Variants in TEX9 observed in about 807,000 individuals in gnomAD.
TEX9 encodes testis-expressed protein 9.
A neutral mutation model predicts 59.6 loss-of-function variants in TEX9; 74 were observed. That is an observed-to-expected ratio of 1.24 (90% CI 1.03 to 1.51). TEX9 has a LOEUF of 1.51. Ranked by LOEUF, TEX9 falls within the 40% of genes most tolerant of loss-of-function variation. TEX9 has a pLI of 0.00. For synonymous variants in TEX9, 186 were observed against 152.2 expected (o/e 1.22, Z -1.64); for missense variants, 522 against 447.8 (o/e 1.17, Z -1.49).
At chr15:56,324,486 T>C (rs1156646637) in intron 1 of TEX9, among the ~76,000 whole-genome samples, 4 of 152,216 alleles carry the variant, frequency 2.6e-5, no homozygotes, top group African/African-American at 9.6e-5. Flanking sequence ...ATTCCTAATA[T>C]CTTTAATTAA....
chr15:56,327,745 A>G (rs1451737342), intron 1 of TEX9, among the ~76,000 whole-genome samples: 1 of 152,172 alleles, frequency 6.6e-6, no homozygotes, highest in African/African-American at 2.4e-5. Flanking sequence ...TGGTGCTGCC[A>G]ACACTGGGGA....
At chr15:56,325,028 T>C (rs1339628738) in intron 1 of TEX9, among the ~76,000 whole-genome samples, 2 of 152,166 alleles carry the variant, frequency 1.3e-5, no homozygotes, top group African/African-American at 2.4e-5. Flanking sequence ...AGCCTAATAA[T>C]CAGAAATAAT....
At chr15:56,278,787 C>T (rs903260540) in intron 1 of TEX9, among the ~76,000 whole-genome samples, 6 of 145,662 alleles carry the variant, frequency 4.1e-5, no homozygotes, top group African/African-American at 1.5e-4. Context: ...ACAACCTCAG[C>T]TACCAAGAGA....
At chr15:56,338,492 G>T (rs2141816914) in intron 1 of TEX9, among the ~76,000 whole-genome samples, 1 of 152,300 alleles carries the variant, frequency 6.6e-6, no homozygotes, top group African/African-American at 2.4e-5. Context: ...CAGCTCACTT[G>T]GTCTGAGACA....
Position 56,403,540 on chromosome 15 carries a change from A to C in TEX9, c.828+8706A>C, listed in dbSNP as rs371488426. On this transcript the variant is annotated intron_variant, in intron 9 of 12. Coordinates refer to ENST00000352903, the Ensembl canonical transcript of TEX9. ...ATGGATAGGAAGAATCAATATCGTGAAAATGGGCATACTGCCCAAGGTAAT... is the reference window on the plus strand; with the variant it reads ...ATGGATAGGAAGAATCAATATCGTGCAAATGGGCATACTGCCCAAGGTAAT... 1.4e-4 allele frequency among the ~76,000 whole-genome samples: 21 copies of C among 152,392 alleles called. No individual in the cohort carries two copies. In the South Asian group the frequency reaches 3.5e-3, roughly 26 times the overall value.
chr15:56,443,961 C>T (rs564546961), intron 12 of TEX9: 21 of 861,776 alleles, frequency 2.4e-5, no homozygotes, highest in Middle Eastern at 7.1e-4. Context: ...TTTTTTCATT[C>T]GTGCATGCAA....
intron 1 of TEX9, among the ~76,000 whole-genome samples, chr15:56,320,107 T>C (rs1232542989): frequency 1.3e-5 from 2 of 152,202 alleles, no homozygotes; most frequent in Non-Finnish European, 2.9e-5. Flanking sequence ...TCATAGGCAT[T>C]TTTATTGCAA....
At chr15:56,250,234 T>C (rs1320897637) in intron 1 of TEX9, among the ~76,000 whole-genome samples, 1 of 152,038 alleles carries the variant, frequency 6.6e-6, no homozygotes, top group Non-Finnish European at 1.5e-5. Context: ...CACTGGTAGG[T>C]GAGATATATA....
At chr15:56,268,853 G>T (rs991818364) in intron 1 of TEX9, among the ~76,000 whole-genome samples, 1 of 152,124 alleles carries the variant, frequency 6.6e-6, no homozygotes, top group African/African-American at 2.4e-5. Flanking sequence ...ATGAGTTAAG[G>T]AGGATTCCCC....
At chr15:56,305,569 A>G (rs1249725399) in intron 1 of TEX9, among the ~76,000 whole-genome samples, 1 of 152,226 alleles carries the variant, frequency 6.6e-6, no homozygotes, top group Non-Finnish European at 1.5e-5. Context: ...CTGAGTATCT[A>G]TATGCAGAAG....
chr15:56,252,813 C>A (rs2044056684), intron 1 of TEX9, among the ~76,000 whole-genome samples: 1 of 152,112 alleles, frequency 6.6e-6, no homozygotes, highest in African/African-American at 2.4e-5. Context: ...TGATCTCAGG[C>A]AAGTTCTTTG....
At chr15:56,379,958 C>T (rs1254550273) in intron 3 of TEX9, among the ~76,000 whole-genome samples, 1 of 151,274 alleles carries the variant, frequency 6.6e-6, no homozygotes, top group Non-Finnish European at 1.5e-5. Context: ...AGCGACAGAT[C>T]ATGGGGTCTT....
chr15:56,296,032 G>A (rs752235490), intron 1 of TEX9, among the ~76,000 whole-genome samples: 2 of 152,216 alleles, frequency 1.3e-5, no homozygotes, highest in Middle Eastern at 6.8e-3. Flanking sequence ...CTGAACTGGC[G>A]GTGAATTTGC....
intron 12 of TEX9, among the ~76,000 whole-genome samples, chr15:56,442,299 C>T (rs1184907931): frequency 1.3e-5 from 2 of 152,076 alleles, no homozygotes; most frequent in East Asian, 1.9e-4. Context: ...ACTAGTTCAA[C>T]CACTGTGAAA....
At chr15:56,252,892 T>C (rs995389109) in intron 1 of TEX9, among the ~76,000 whole-genome samples, 1 of 152,176 alleles carries the variant, frequency 6.6e-6, no homozygotes, top group Non-Finnish European at 1.5e-5. Flanking sequence ...GTTGTACTGA[T>C]AATTTAATGA....
At chr15:56,420,234 T>C (rs1311595357) in intron 10 of TEX9, among the ~76,000 whole-genome samples, 3 of 151,772 alleles carry the variant, frequency 2.0e-5, no homozygotes, top group Non-Finnish European at 4.4e-5. Flanking sequence ...TTTTTATTTT[T>C]TTTATTGATT....
intron 10 of TEX9, among the ~76,000 whole-genome samples, chr15:56,424,407 G>C (rs908056408): frequency 3.9e-5 from 6 of 152,120 alleles, no homozygotes; most frequent in African/African-American, 1.2e-4. Flanking sequence ...CATGTAGACA[G>C]CATATAGTTG....
At chr15:56,403,737 C>G (rs1247589155) in intron 9 of TEX9, among the ~76,000 whole-genome samples, 1 of 152,186 alleles carries the variant, frequency 6.6e-6, no homozygotes, top group South Asian at 2.1e-4. Context: ...AACTATACTA[C>G]AAGGCTACAG....
intron 2 of TEX9, among the ~76,000 whole-genome samples, chr15:56,370,075 A>AATTTAATAT (rs1256896609): frequency 6.6e-6 from 1 of 152,146 alleles, no homozygotes; most frequent in African/African-American, 2.4e-5. Context: ...TTAATAAGTG[A>AATTTAATAT]ATTTAATATA....
Sources: gnomAD v4.1 joint callset for allele counts (sites outside exome capture counted in the v4.1 genomes callset) on GRCh38, gnomAD v4.1.1 for gene constraint, MANE v1.5 for transcripts, NCBI Gene and HGNC (gene_info 2026-07-23, HGNC 2026-07-21) for gene names.